GRIP1: variants seen among roughly 807,000 people sequenced by gnomAD.
GRIP1 encodes glutamate receptor interacting protein 1.
Under a neutral mutation model 129.9 loss-of-function variants are expected in GRIP1, and 45 were observed. The observed-to-expected ratio is 0.35, with a 90% CI of 0.27 to 0.44. The LOEUF is 0.44. GRIP1 is among the 20% of genes least tolerant of loss of function. The pLI, the probability that GRIP1 is intolerant of heterozygous loss-of-function variation, is 1.00. For missense variants in GRIP1, 1,196 were observed against 1,396.8 expected (o/e 0.86, Z 2.29); for synonymous variants, 530 against 520.8 (o/e 1.02, Z -0.24).
chr12:67,016,386 T>C (rs532183183), intron 1 of GRIP1, among the ~76,000 whole-genome samples: 5 of 152,314 alleles, frequency 3.3e-5, no homozygotes, highest in African/African-American at 1.2e-4. Context: ...CCTTTATTTA[T>C]AAGAATAAAT....
At chr12:66,825,304 C>T (rs1269288580) in intron 1 of GRIP1, among the ~76,000 whole-genome samples, 4 of 152,108 alleles carry the variant, frequency 2.6e-5, no homozygotes, top group Admixed American at 6.6e-5. Context: ...ATTTCCACAT[C>T]GTCATTATTA....
At chr12:66,970,776 A>G (rs2042064691) in intron 1 of GRIP1, among the ~76,000 whole-genome samples, 1 of 152,100 alleles carries the variant, frequency 6.6e-6, no homozygotes, top group Non-Finnish European at 1.5e-5. Flanking sequence ...ACCTTTACAA[A>G]TGTTTCTTAA....
chr12:66,927,594 A>G (rs955150405), intron 1 of GRIP1, among the ~76,000 whole-genome samples: 1 of 152,160 alleles, frequency 6.6e-6, no homozygotes, highest in Non-Finnish European at 1.5e-5. Flanking sequence ...TTGCCACTCC[A>G]TAGAACTTGG....
intron 14 of GRIP1, among the ~76,000 whole-genome samples, chr12:66,429,792 T>C (rs1183856385): frequency 2.0e-5 from 3 of 152,178 alleles, no homozygotes; most frequent in Non-Finnish European, 4.4e-5. Context: ...TTTGTTAGGG[T>C]TCACAATGTG....
At chr12:66,522,427 T>C (rs1474887837) in intron 5 of GRIP1, among the ~76,000 whole-genome samples, 1 of 151,946 alleles carries the variant, frequency 6.6e-6, no homozygotes, top group African/African-American at 2.4e-5. Flanking sequence ...GCAAACAGGG[T>C]TTGGAGCGGA....
chr12:66,861,555 G>A (rs1404051597), intron 1 of GRIP1, among the ~76,000 whole-genome samples: 1 of 151,978 alleles, frequency 6.6e-6, no homozygotes, highest in East Asian at 1.9e-4. Context: ...ATATTGCTGT[G>A]GGGCTAAAGG....
Position 66,348,826 on chromosome 12 carries a change from G to T in GRIP1, c.*193C>A. 1.6e-6 allele frequency: 1 copy of T among 623,474 alleles called. No homozygotes were observed. The highest frequency in any genetic ancestry group is 2.9e-6 in the Non-Finnish European group (1 of 349,796). 38.6% of individuals were successfully genotyped at this position (623,474 alleles called of 1,614,324 possible). A position where few individuals can be genotyped will look rare whatever the true frequency, so the allele number is the denominator to read the frequency against. On this transcript the variant is annotated 3_prime_UTR_variant, in exon 25 of 25. Transcript: ENST00000359742. ...GCATTGCCCACCATATACCATAGTG[G>T]TCACCAAAAAAGAAACCTCTTCAAC...
At position 66,747,225 on chromosome 12, in the gene GRIP1, G is replaced by A. The variant is rs563375775; in HGVS notation, c.-420+56828C>T. On this transcript the variant is annotated intron_variant, in intron 1 of 4. Coordinates refer to the GRIP1 transcript ENST00000538373. Reference sequence around the variant, plus strand: ...AAGAATATAAGGGATTAAAAAAACTGAGTAAATAAAATTTATATCCAGATT... The same window carrying A: ...AAGAATATAAGGGATTAAAAAAACTAAGTAAATAAAATTTATATCCAGATT... 4.6e-5 allele frequency among the ~76,000 whole-genome samples: 7 copies of A among 152,156 alleles called. No homozygotes were observed. The East Asian group carries it at 1.3e-3, about 29-fold the overall frequency.
chr12:66,755,321 T>C (rs2037253952), intron 1 of GRIP1, among the ~76,000 whole-genome samples: 1 of 152,212 alleles, frequency 6.6e-6, no homozygotes, highest in African/African-American at 2.4e-5. Flanking sequence ...CACTTTATTT[T>C]TCCTTCCAAA....
chr12:66,836,008 A>G (rs1428450551), intron 1 of GRIP1, among the ~76,000 whole-genome samples: 2 of 152,138 alleles, frequency 1.3e-5, no homozygotes, highest in Non-Finnish European at 2.9e-5. Context: ...CTTCCACTTA[A>G]TTTTACTATG....
chr12:66,429,214 G>A (rs1376009505), intron 14 of GRIP1, among the ~76,000 whole-genome samples: 3 of 152,066 alleles, frequency 2.0e-5, no homozygotes, highest in African/African-American at 7.2e-5. Context: ...AGAGATGAGG[G>A]GCTGTTTCTT....
At chr12:66,819,251 T>G (rs751463717) in intron 1 of GRIP1, among the ~76,000 whole-genome samples, 18 of 152,204 alleles carry the variant, frequency 1.2e-4, no homozygotes, top group Non-Finnish European at 2.2e-4. Context: ...TCCTTTCAGC[T>G]AATAAGCTCA....
In GRIP1 at chr12:66,885,676, C is replaced by T. The variant is rs541665926; in HGVS notation, c.58+183374G>A. 4.6e-5 allele frequency among the ~76,000 whole-genome samples: 7 copies of T among 152,242 alleles called. No homozygotes were observed. The East Asian group carries it at 1.2e-3, about 25-fold the overall frequency. On this transcript the variant is annotated intron_variant, in intron 1 of 1. Transcript: ENST00000643019. ...TGAGATAGCTCAGCAACAGCAAGAA[C>T]AACCAGATACAGCTGGTAAGCCTGC...
intron 1 of GRIP1, among the ~76,000 whole-genome samples, chr12:66,862,787 CAG>C (rs2040135354): frequency 1.3e-5 from 2 of 152,160 alleles, no homozygotes; most frequent in South Asian, 4.1e-4. Context: ...GCTGTACTGG[CAG>C]AGAGAATGCA....
chr12:66,352,700 T>C (rs2054289728), intron 24 of GRIP1, among the ~76,000 whole-genome samples: 1 of 87,650 alleles, frequency 1.1e-5, no homozygotes, highest in Non-Finnish European at 2.0e-5. Flanking sequence ...GCCACTGCAC[T>C]CCAGCCTGAG....
At chr12:66,884,342 A>G (rs540331805) in intron 1 of GRIP1, among the ~76,000 whole-genome samples, 3 of 152,278 alleles carry the variant, frequency 2.0e-5, no homozygotes, top group South Asian at 4.2e-4. Context: ...AGCCTCTAAT[A>G]ATTATGTAAA....
At chr12:66,450,242 T>G (rs1565750542) in intron 11 of GRIP1, among the ~76,000 whole-genome samples, 1 of 136,128 alleles carries the variant, frequency 7.3e-6, no homozygotes, top group Admixed American at 8.6e-5. Context: ...AGGCGGAGCT[T>G]GCAGTGAGCG....
intron 1 of GRIP1, among the ~76,000 whole-genome samples, chr12:67,001,258 C>A (rs546764139): frequency 6.6e-6 from 1 of 152,218 alleles, no homozygotes; most frequent in Non-Finnish European, 1.5e-5. Context: ...ACCATCCACC[C>A]GTGCTTCCCC....
intron 2 of GRIP1, among the ~76,000 whole-genome samples, chr12:66,545,548 A>T (rs1038792552): frequency 2.0e-5 from 3 of 152,244 alleles, no homozygotes; most frequent in African/African-American, 7.2e-5. Flanking sequence ...AAACTGTGCA[A>T]CATCTATATG....
Sources: gnomAD v4.1 joint callset for allele counts (sites outside exome capture counted in the v4.1 genomes callset) on GRCh38, gnomAD v4.1.1 for gene constraint, MANE v1.5 for transcripts, NCBI Gene and HGNC (gene_info 2026-07-23, HGNC 2026-07-21) for gene names.